Variants in MTSS1 observed in about 807,000 individuals in gnomAD.
MTSS1 encodes protein MTSS 1.
In MTSS1, 18 loss-of-function variants were observed where a neutral mutation model predicts 79.0. The ratio of observed to expected loss-of-function variants is 0.23; its 90% confidence interval spans 0.16 to 0.34. The LOEUF is 0.34. MTSS1 is among the 10% of genes least tolerant of loss of function. The probability of loss-of-function intolerance (pLI) is 1.00; values close to 1 mark genes in which losing one functional copy is unlikely to be tolerated. For missense variants in MTSS1, 815 were observed against 986.2 expected (o/e 0.83, Z 2.33); for synonymous variants, 341 against 368.6 (o/e 0.93, Z 0.86).
chr8:124,723,327 G>A (rs1833215419), intron 1 of MTSS1, among the ~76,000 whole-genome samples: 1 of 152,072 alleles, frequency 6.6e-6, no homozygotes, highest in South Asian at 2.1e-4. Context: ...GTAAGAACTG[G>A]GCAATGGCTG....
chr8:124,614,463 T>C (rs1836473991), intron 3 of MTSS1, among the ~76,000 whole-genome samples: 1 of 152,220 alleles, frequency 6.6e-6, no homozygotes, highest in African/African-American at 2.4e-5. Flanking sequence ...ACCTTTGTCC[T>C]CATCATGGGC....
chr8:124,722,321 A>G (rs1032279533), intron 1 of MTSS1, among the ~76,000 whole-genome samples: 2 of 152,184 alleles, frequency 1.3e-5, no homozygotes, highest in Admixed American at 6.5e-5. Context: ...CCATTTGCTC[A>G]GTAGGTAAAA....
intron 3 of MTSS1, among the ~76,000 whole-genome samples, chr8:124,632,260 G>A: frequency 7.1e-6 from 1 of 140,966 alleles, no homozygotes. Flanking sequence ...AGCCTAGGAA[G>A]CAGAGTGAGA....
At chr8:124,658,650 T>C (rs906868788) in intron 3 of MTSS1, among the ~76,000 whole-genome samples, 1 of 152,150 alleles carries the variant, frequency 6.6e-6, no homozygotes, top group Non-Finnish European at 1.5e-5. Context: ...GAGCTTCACA[T>C]GGCTGAAGCA....
chr8:124,567,588 A>G (rs1412495254), intron 7 of MTSS1: 20 of 1,375,460 alleles, frequency 1.5e-5, no homozygotes, highest in Non-Finnish European at 1.8e-5. Context: ...GATCTTTGTG[A>G]CAGTGCCTGT....
Position 124,562,800 on chromosome 8 carries a change from C to A in MTSS1, c.1017G>T (p.Pro339=), listed in dbSNP as rs138654761. The change falls in exon 10 of 14, where the codon CCG becomes CCT. Residue 339 remains proline, a synonymous_variant. Coordinates refer to ENST00000518547, the MANE Select transcript of MTSS1 (RefSeq NM_014751.6). ...CCCTTACCTGGTTGGGGGCCTCTGG[C>A]GGCATGGGGGATGGTGACTTGGACT... ...AFQSKSPSPM[P]PEAPNQLSNG... The A allele has an allele frequency of 5.7e-4, 917 of 1,614,046 alleles. No individual in the cohort carries two copies. The highest frequency in any genetic ancestry group is 5.6e-4 in the Non-Finnish European group (656 of 1,179,998).
At chr8:124,607,277 G>A (rs978413068) in intron 3 of MTSS1, among the ~76,000 whole-genome samples, 2 of 152,214 alleles carry the variant, frequency 1.3e-5, no homozygotes, top group African/African-American at 2.4e-5. Context: ...TCTATCAAAG[G>A]CCCTTGAGGG....
At chr8:124,645,760 C>T (rs1818893809) in intron 3 of MTSS1, among the ~76,000 whole-genome samples, 1 of 152,174 alleles carries the variant, frequency 6.6e-6, no homozygotes, top group Non-Finnish European at 1.5e-5. Context: ...TCATAAGCAT[C>T]TTACTATTTT....
At chr8:124,697,714 T>C (rs1829074945) in intron 3 of MTSS1, among the ~76,000 whole-genome samples, 1 of 152,170 alleles carries the variant, frequency 6.6e-6, no homozygotes, top group South Asian at 2.1e-4. Flanking sequence ...ATGGTTTGCA[T>C]ATTAAGTTCT....
intron 3 of MTSS1, among the ~76,000 whole-genome samples, chr8:124,635,639 C>T (rs144650024): frequency 4.2e-4 from 64 of 152,266 alleles, no homozygotes; most frequent in Non-Finnish European, 7.8e-4. Flanking sequence ...TGCTAAGTTG[C>T]TTGAGGCTAA....
intron 3 of MTSS1, among the ~76,000 whole-genome samples, chr8:124,688,832 CCA>C (rs989071994): frequency 2.0e-5 from 3 of 152,084 alleles, no homozygotes; most frequent in African/African-American, 7.2e-5. Flanking sequence ...GCTAGAATCC[CCA>C]GTCTCCTTCC....
rs2382634 is a variant in MTSS1 at position 124,622,066 on chromosome 8, G to A, written c.209-30831C>T. Among the ~76,000 whole-genome samples the A allele has an allele frequency of 4.2e-4, 33 of 79,042 alleles. 1 individual carries two copies. The South Asian group carries it at 4.2e-3, about 10-fold the overall frequency. 51.9% of individuals were successfully genotyped at this position (79,042 alleles called of 152,430 possible). On this transcript the variant is annotated intron_variant, in intron 3 of 13. Coordinates refer to ENST00000518547, the MANE Select transcript of MTSS1 (RefSeq NM_014751.6). ...TGTGAGAGACAGAAAGAGAAAGAGA[G>A]AGAGAGAGAGAGAGAGAGAGAGAGA...
intron 3 of MTSS1, among the ~76,000 whole-genome samples, chr8:124,593,456 C>A (rs1358020082): frequency 6.6e-6 from 1 of 152,200 alleles, no homozygotes; most frequent in Non-Finnish European, 1.5e-5. Context: ...TCCTTACCTA[C>A]AAGGGTAGTC....
intron 3 of MTSS1, among the ~76,000 whole-genome samples, chr8:124,638,499 T>A (rs1189740653): frequency 6.6e-6 from 1 of 152,168 alleles, no homozygotes; most frequent in African/African-American, 2.4e-5. Context: ...CACACAGACA[T>A]TCCATTTCCA....
intron 3 of MTSS1, among the ~76,000 whole-genome samples, chr8:124,688,347 T>TGG (rs1554719634): frequency 6.6e-6 from 1 of 151,228 alleles, no homozygotes; most frequent in African/African-American, 2.4e-5. Context: ...TGTATGTGTG[T>TGG]TGTGTGTGTG....
At chr8:124,639,464 ATT>A (rs758838865) in intron 3 of MTSS1, among the ~76,000 whole-genome samples, 15 of 152,194 alleles carry the variant, frequency 9.9e-5, no homozygotes, top group Admixed American at 1.3e-4. Flanking sequence ...TTCTGATGGT[ATT>A]ACCTTACTTA....
At chr8:124,629,965 G>A (rs888624314) in intron 3 of MTSS1, among the ~76,000 whole-genome samples, 2 of 152,168 alleles carry the variant, frequency 1.3e-5, no homozygotes, top group African/African-American at 2.4e-5. Context: ...GAATTGAGTC[G>A]CTGAGGACAG....
At chr8:124,587,485 T>A (rs571613465) in intron 5 of MTSS1, among the ~76,000 whole-genome samples, 1 of 152,302 alleles carries the variant, frequency 6.6e-6, no homozygotes, top group African/African-American at 2.4e-5. Flanking sequence ...GTAGGGGGGA[T>A]AAAAGATTAT....
At position 124,622,067 on chromosome 8, in the gene MTSS1, AGAGAG is replaced by A. The variant is rs1813644580; in HGVS notation, c.209-30837_209-30833del. On this transcript the variant is annotated intron_variant, in intron 3 of 13. Coordinates refer to ENST00000518547, the MANE Select transcript of MTSS1 (RefSeq NM_014751.6). ...GTGAGAGACAGAAAGAGAAAGAGAG[AGAGAG>A]AGAGAGAGAGAGAGAGAGAGAGAGA... Among the ~76,000 whole-genome samples the A allele has an allele frequency of 3.5e-5, 5 of 143,778 alleles. 1 individual carries two copies. Among genetic ancestry groups the A allele is most frequent in the African/African-American group, 9.9e-5 (4 of 40,474 alleles). The allele number at this position is 143,778 out of a possible 152,430, so 94.3% of individuals were successfully genotyped here.
Sources: gnomAD v4.1 joint callset for allele counts (sites outside exome capture counted in the v4.1 genomes callset) on GRCh38, gnomAD v4.1.1 for gene constraint, MANE v1.5 for transcripts, NCBI Gene and HGNC (gene_info 2026-07-23, HGNC 2026-07-21) for gene names.